Variants in PTPN3 observed in about 807,000 individuals in gnomAD.
The protein encoded by PTPN3 is protein tyrosine phosphatase non-receptor type 3.
In PTPN3, 96 loss-of-function variants were observed where a neutral mutation model predicts 132.7. That is an observed-to-expected ratio of 0.72 (90% CI 0.61 to 0.86). The LOEUF (loss-of-function observed/expected upper bound fraction) is 0.86. Ranked by LOEUF, PTPN3 falls within the 40% of genes least tolerant of loss-of-function variation. PTPN3 has a pLI of 0.00. For missense variants in PTPN3, 1,125 were observed against 1,159.6 expected (o/e 0.97, Z 0.43); for synonymous variants, 398 against 429.0 (o/e 0.93, Z 0.89).
the PTPN3 span, among the ~76,000 whole-genome samples, chr9:109,518,014 C>T: frequency 1.3e-5 from 2 of 152,236 alleles, no homozygotes; most frequent in African/African-American, 4.8e-5. Flanking sequence ...CCTTCACCAG[C>T]TCCCTTTCTT....
At chr9:109,409,502 C>G (rs979626759) in intron 16 of PTPN3, among the ~76,000 whole-genome samples, 15 of 152,070 alleles carry the variant, frequency 9.9e-5, no homozygotes, top group Non-Finnish European at 2.1e-4. Flanking sequence ...ACTTGGCCTT[C>G]GGCAGCTGTT....
chr9:109,391,031 G>GGTGAACGGGAAAGCACTGT (rs1420325952), intron 21 of PTPN3, 107 bp downstream of exon 21: 5 of 983,962 alleles, frequency 5.1e-6, no homozygotes, highest in African/African-American at 1.6e-5. Context: ...GAAATGCGGT[G>GGTGAACGGGAAAGCACTGT]GTGAACGGGA....
intron 5 of PTPN3, among the ~76,000 whole-genome samples, chr9:109,451,538 C>A (rs912389471): frequency 5.9e-5 from 9 of 152,220 alleles, no homozygotes; most frequent in Middle Eastern, 3.2e-3. Context: ...ACATCTAGTT[C>A]CCCTTTTCCC....
At chr9:109,380,791 T>A (rs1017628092) in intron 25 of PTPN3, among the ~76,000 whole-genome samples, 21 of 152,174 alleles carry the variant, frequency 1.4e-4, no homozygotes, top group Non-Finnish European at 5.9e-5. Flanking sequence ...GGTTGGAACA[T>A]ATAGTTCCTG....
intron 2 of PTPN3, among the ~76,000 whole-genome samples, chr9:109,459,596 T>A (rs914470869): frequency 1.3e-5 from 2 of 152,268 alleles, no homozygotes; most frequent in African/African-American, 4.8e-5. Flanking sequence ...CCACTGCCCC[T>A]GCTGGAGTGC....
chr9:109,526,122 C>A, the PTPN3 span, among the ~76,000 whole-genome samples: 1 of 151,970 alleles, frequency 6.6e-6, no homozygotes, highest in Non-Finnish European at 1.5e-5. Flanking sequence ...ACAATAACAA[C>A]AAAAGCCACA....
chr9:109,516,051 T>C, the PTPN3 span, among the ~76,000 whole-genome samples: 62 of 152,204 alleles, frequency 4.1e-4, 1 homozygote, highest in Admixed American at 4.1e-3. Flanking sequence ...TCCAGTGCAC[T>C]CCACTAGCTG....
chr9:109,391,125 A>G lies in PTPN3; in HGVS notation c.2106+13T>C. On this transcript the variant is annotated intron_variant, in intron 21 of 25. Coordinates refer to ENST00000374541, the MANE Select transcript of PTPN3 (RefSeq NM_002829.4). ...GAATGTGCTCTTAAGCATCATCCAG[A>G]TTCCTAACTTACGTTCACGTAACTT... 1 of 1,608,548 alleles carries G rather than the reference A, an allele frequency of 6.2e-7. No homozygotes were observed. Among genetic ancestry groups the G allele is most frequent in the Non-Finnish European group, 8.5e-7 (1 of 1,175,250 alleles).
At chr9:109,493,172 G>A (rs1029821399) in intron 1 of PTPN3, among the ~76,000 whole-genome samples, 4 of 152,184 alleles carry the variant, frequency 2.6e-5, no homozygotes, top group Non-Finnish European at 5.9e-5. Flanking sequence ...AGAGGCTGAG[G>A]CAGGAAGATC....
At chr9:109,397,315 A>T (rs979383521) in intron 19 of PTPN3, among the ~76,000 whole-genome samples, 3 of 152,248 alleles carry the variant, frequency 2.0e-5, no homozygotes, top group Admixed American at 6.5e-5. Flanking sequence ...GGTGCTCAAT[A>T]AAAATTTGTA....
intron 25 of PTPN3, among the ~76,000 whole-genome samples, chr9:109,381,338 G>A (rs1441559445): frequency 6.6e-6 from 1 of 152,188 alleles, no homozygotes; most frequent in African/African-American, 2.4e-5. Flanking sequence ...AACATCCACT[G>A]AGCCAAAAGG....
Position 109,438,169 on chromosome 9 carries a change from G to A in PTPN3, c.532C>T (p.Pro178Ser). The change falls in exon 8 of 26, where the codon CCC becomes TCC. Residue 178 changes from proline (P) to serine (S), a missense_variant. Physicochemically the swap from Pro to Ser is moderately conservative, Grantham distance 74. Coordinates refer to ENST00000374541, the MANE Select transcript of PTPN3 (RefSeq NM_002829.4). ...PGYLSDSHFI[P>S]DQNEDFLTKV... ...GTTAAAAAGTCCTCATTTTGATCGG[G>A]TATAAAGTGACTATCGGAAAGATAG... The A allele has an allele frequency of 6.2e-7, 1 of 1,613,870 alleles. No homozygotes were observed. Among genetic ancestry groups the A allele is most frequent in the Non-Finnish European group, 8.5e-7 (1 of 1,179,760 alleles).
intron 16 of PTPN3, among the ~76,000 whole-genome samples, chr9:109,408,868 T>TATAC (rs979254468): frequency 6.9e-6 from 1 of 145,616 alleles, no homozygotes; most frequent in Admixed American, 6.9e-5. Context: ...ATGGGCTTTA[T>TATAC]ATATATATAT....
chr9:109,472,599 T>C (rs1026224652), intron 1 of PTPN3, among the ~76,000 whole-genome samples: 7 of 152,224 alleles, frequency 4.6e-5, no homozygotes, highest in Non-Finnish European at 8.8e-5. Flanking sequence ...ATAAGTACAG[T>C]TGATAACAAA....
At chr9:109,515,936 CA>C in the PTPN3 span, among the ~76,000 whole-genome samples, 1 of 152,158 alleles carries the variant, frequency 6.6e-6, no homozygotes, top group South Asian at 2.1e-4. Context: ...GACACGTATC[CA>C]AACTGTATCA....
intron 17 of PTPN3, 29 bp downstream of exon 17, chr9:109,408,292 G>A: frequency 6.7e-7 from 1 of 1,493,178 alleles, no homozygotes; most frequent in Non-Finnish European, 9.0e-7. Flanking sequence ...AAACAAACAC[G>A]AGGAATAACA....
intron 1 of PTPN3, among the ~76,000 whole-genome samples, chr9:109,494,429 C>T (rs1847592630): frequency 6.6e-6 from 1 of 152,190 alleles, no homozygotes; most frequent in African/African-American, 2.4e-5. Flanking sequence ...AGAGTGAGAC[C>T]TTGTCTCAAA....
At chr9:109,504,137 G>C in the PTPN3 span, among the ~76,000 whole-genome samples, 1 of 152,144 alleles carries the variant, frequency 6.6e-6, no homozygotes, top group African/African-American at 2.4e-5. Flanking sequence ...TTATTCTTGC[G>C]GGTATCTGGG....
chr9:109,486,104 C>G (rs1185808311), intron 1 of PTPN3, among the ~76,000 whole-genome samples: 1 of 152,222 alleles, frequency 6.6e-6, no homozygotes, highest in African/African-American at 2.4e-5. Context: ...AGTCCAGCCA[C>G]TCAACATGTG....
Sources: gnomAD v4.1 joint callset for allele counts (sites outside exome capture counted in the v4.1 genomes callset) on GRCh38, gnomAD v4.1.1 for gene constraint, MANE v1.5 for transcripts, NCBI Gene and HGNC (gene_info 2026-07-23, HGNC 2026-07-21) for gene names.